KIAA1549L: variants seen among roughly 807,000 people sequenced by gnomAD.
KIAA1549L encodes UPF0606 protein KIAA1549L.
In KIAA1549L, 88 loss-of-function variants were observed where a neutral mutation model predicts 160.7. The observed-to-expected ratio is 0.55, with a 90% CI of 0.46 to 0.65. The LOEUF is 0.65. Among genes scored for constraint, KIAA1549L ranks in the 30% least tolerant of loss-of-function variants. The pLI, the probability that KIAA1549L is intolerant of heterozygous loss-of-function variation, is 0.00. For synonymous variants in KIAA1549L, 950 were observed against 976.7 expected (o/e 0.97, Z 0.51); for missense variants, 2,258 against 2,437.5 (o/e 0.93, Z 1.55).
intron 1 of KIAA1549L, among the ~76,000 whole-genome samples, chr11:33,497,125 T>C (rs879284666): frequency 3.9e-5 from 6 of 152,184 alleles, no homozygotes; most frequent in African/African-American, 7.2e-5. Flanking sequence ...CCCCAGCACC[T>C]CATCTTACTT....
At chr11:33,408,670 T>A (rs1224306477) in intron 1 of KIAA1549L, among the ~76,000 whole-genome samples, 1 of 151,024 alleles carries the variant, frequency 6.6e-6, no homozygotes, top group Non-Finnish European at 1.5e-5. Flanking sequence ...GGGAGTTGGT[T>A]GTCTCATTTC....
chr11:33,644,596 TA>T (rs1312574337), intron 16 of KIAA1549L, among the ~76,000 whole-genome samples: 1 of 152,256 alleles, frequency 6.6e-6, no homozygotes, highest in Non-Finnish European at 1.5e-5. Context: ...TTAATCCTTA[TA>T]AAAGCCTTTG....
chr11:33,535,244 C>T (rs1342520344), intron 1 of KIAA1549L, among the ~76,000 whole-genome samples: 4 of 152,202 alleles, frequency 2.6e-5, no homozygotes, highest in Non-Finnish European at 5.9e-5. Context: ...CCACAGTTCT[C>T]ACCAGCTGGG....
intron 1 of KIAA1549L, among the ~76,000 whole-genome samples, chr11:33,468,131 C>T (rs879139488): frequency 3.3e-5 from 5 of 152,122 alleles, no homozygotes; most frequent in Non-Finnish European, 5.9e-5. Flanking sequence ...CCCAGTGGGG[C>T]GATAGCAGTT....
At chr11:33,600,084 C>T (rs1850315463) in intron 13 of KIAA1549L, among the ~76,000 whole-genome samples, 1 of 152,048 alleles carries the variant, frequency 6.6e-6, no homozygotes, top group Non-Finnish European at 1.5e-5. Context: ...GGAAAATGTG[C>T]TCCCTGTTCC....
intron 3 of KIAA1549L, among the ~76,000 whole-genome samples, chr11:33,547,042 G>A (rs1035594856): frequency 3.9e-5 from 6 of 152,226 alleles, no homozygotes; most frequent in African/African-American, 1.4e-4. Context: ...AAAGAACACT[G>A]TGGCTAAGAG....
At chr11:33,654,686 G>A (rs141334727) in intron 17 of KIAA1549L, among the ~76,000 whole-genome samples, 5 of 152,244 alleles carry the variant, frequency 3.3e-5, no homozygotes, top group South Asian at 2.1e-4. Context: ...AGGCCACTTC[G>A]CCATTCGTAT....
intron 1 of KIAA1549L, among the ~76,000 whole-genome samples, chr11:33,468,125 G>C (rs1366646472): frequency 6.6e-6 from 1 of 152,118 alleles, no homozygotes; most frequent in Non-Finnish European, 1.5e-5. Flanking sequence ...TTTTTGCCCA[G>C]TGGGGCGATA....
chr11:33,454,854 C>A (rs1475465249), intron 1 of KIAA1549L, among the ~76,000 whole-genome samples: 2 of 152,128 alleles, frequency 1.3e-5, no homozygotes, highest in African/African-American at 4.8e-5. Flanking sequence ...CTTTGGGAGG[C>A]CGAGGCGGGT....
At position 33,530,239 on chromosome 11, in the gene KIAA1549L, CA is replaced by C. The variant is rs55962654; in HGVS notation, c.239-11550del. ...GAAACCCCATCTCTACTAAAAAATA[CA>C]AAAAAAAAAAAATTAGCCGGGCGTG... On this transcript the variant is annotated intron_variant, in intron 1 of 20. Coordinates refer to ENST00000658780, the MANE Select transcript of KIAA1549L (RefSeq NM_012194.3). Among the ~76,000 whole-genome samples, 97 of 134,548 alleles carry C rather than the reference CA, an allele frequency of 7.2e-4. No homozygotes were observed. In the South Asian group the frequency reaches 0.013, roughly 18 times the overall value. 88.3% of individuals were successfully genotyped at this position (134,548 alleles called of 152,430 possible).
intron 10 of KIAA1549L, among the ~76,000 whole-genome samples, chr11:33,581,383 T>C (rs1217345260): frequency 6.9e-6 from 1 of 145,756 alleles, no homozygotes; most frequent in Non-Finnish European, 1.5e-5. Context: ...TTTGACTTCA[T>C]TCCTTCTGAC....
intron 1 of KIAA1549L, among the ~76,000 whole-genome samples, chr11:33,418,885 C>CT (rs60307209): frequency 0.58 from 81,142 of 139,452 alleles, 23,348 homozygotes; most frequent in South Asian, 0.61. Context: ...GCATTCCTAG[C>CT]TTTTTTTTTT....
intron 13 of KIAA1549L, among the ~76,000 whole-genome samples, chr11:33,600,904 G>A (rs1392548943): frequency 2.6e-5 from 4 of 152,060 alleles, no homozygotes; most frequent in African/African-American, 7.2e-5. Flanking sequence ...ATCCATAGAA[G>A]ATGAGAGAGT....
At chr11:33,483,096 T>C (rs1305624175) in intron 1 of KIAA1549L, among the ~76,000 whole-genome samples, 2 of 152,042 alleles carry the variant, frequency 1.3e-5, no homozygotes, top group African/African-American at 4.8e-5. Flanking sequence ...CTCCTCCTCC[T>C]CCTCTCTTTC....
At chr11:33,448,137 T>C (rs991791910) in intron 1 of KIAA1549L, among the ~76,000 whole-genome samples, 6 of 152,180 alleles carry the variant, frequency 3.9e-5, no homozygotes, top group Admixed American at 3.9e-4. Context: ...AACATGCAGG[T>C]TTATGTGGGT....
chr11:33,495,901 G>A (rs1300179681), intron 1 of KIAA1549L, among the ~76,000 whole-genome samples: 1 of 151,916 alleles, frequency 6.6e-6, no homozygotes, highest in African/African-American at 2.4e-5. Context: ...TTTTTCATGT[G>A]TTTTTTGGCT....
At chr11:33,538,279 T>C (rs1853938323) in intron 1 of KIAA1549L, among the ~76,000 whole-genome samples, 1 of 152,242 alleles carries the variant, frequency 6.6e-6, no homozygotes, top group African/African-American at 2.4e-5. Context: ...TTATGAGGAT[T>C]ACAATTCCAG....
In KIAA1549L at chr11:33,543,076, C is replaced by G; in HGVS notation, c.1513C>G (p.Leu505Val). ...TGGGACAGCCGACTTTCCCTCCATA[C>G]TTACTTTCCTCCAGCCCACAGAGAA... The part of the protein sequence containing the change: ...STGTADFPSI[L>V]TFLQPTENHA... Residue 505 changes from leucine (L) to valine (V), a missense_variant, in exon 2 of 21, where the codon CTT (leucine) becomes GTT (valine). By Grantham distance (32) the Leu-to-Val change is conservative. Transcript: ENST00000658780. 1 of 1,613,958 alleles carries G rather than the reference C, an allele frequency of 6.2e-7. No homozygotes were observed. The highest frequency in any genetic ancestry group is 8.5e-7 in the Non-Finnish European group (1 of 1,179,902).
chr11:33,485,077 C>T (rs1852493191), intron 1 of KIAA1549L, among the ~76,000 whole-genome samples: 1 of 152,170 alleles, frequency 6.6e-6, no homozygotes, highest in South Asian at 2.1e-4. Flanking sequence ...TCATCCACGA[C>T]CCAGCACCTT....
Sources: gnomAD v4.1 joint callset for allele counts (sites outside exome capture counted in the v4.1 genomes callset) on GRCh38, gnomAD v4.1.1 for gene constraint, MANE v1.5 for transcripts, NCBI Gene and HGNC (gene_info 2026-07-23, HGNC 2026-07-21) for gene names.